The following GBA2 variants were observed in gnomAD, a reference collection of about 807,000 sequenced individuals.
GBA2 encodes non-lysosomal glucosylceramidase.
GBA2 carries 79 observed loss-of-function variants against 112.9 expected under a neutral mutation model. That is an observed-to-expected ratio of 0.70 (90% confidence interval 0.58 to 0.84). GBA2 has a LOEUF of 0.84. Ranked by LOEUF, GBA2 falls within the 40% of genes least tolerant of loss-of-function variation. The pLI, the probability that GBA2 is intolerant of heterozygous loss-of-function variation, is 0.00. For synonymous variants in GBA2, 403 were observed against 434.3 expected (o/e 0.93, Z 0.90); for missense variants, 1,043 against 1,190.0 (o/e 0.88, Z 1.82).
Position 35,741,789 on chromosome 9 carries a change from C to T in GBA2, c.669G>A (p.Gly223=), listed in dbSNP as rs2131984790. Residue 223 remains glycine, a synonymous_variant, in exon 4 of 17, where the codon GGG becomes GGA. Transcript: ENST00000378103. The surrounding 1 kb of genome is among the most constrained non-coding windows in gnomAD (Gnocchi z 4.6). ...AGAGGGCATGGTAGAAAGCAAAGTA[C>T]CCACACAGGCCCCAGTTCCAGCTGC... ...VLRSWNWGLC[G]YFAFYHALYP... is the part of the protein sequence containing the mutation. 1 of 1,613,498 alleles carries T rather than the reference C, an allele frequency of 6.2e-7. No homozygotes were observed. The highest frequency in any genetic ancestry group is 8.5e-7 in the Non-Finnish European group (1 of 1,179,472).
chr9:35,741,044 T>C lies in GBA2; in HGVS notation c.807A>G (p.Gly269=), dbSNP rs752862084. ...CATTTTCCACATCCCACACAAAGACTCCTACAGGCAGGCTGCTGTCCTGGG... is the reference window on the plus strand; with the variant it reads ...CATTTTCCACATCCCACACAAAGACCCCTACAGGCAGGCTGCTGTCCTGGG... ...HDYQDSSLPV[G]VFVWDVENEG... Residue 269 remains glycine (G), a synonymous_variant, in exon 5 of 17, where the codon GGA becomes GGG. Transcript: ENST00000378103. The surrounding 1 kb of genome is among the most constrained non-coding windows in gnomAD (Gnocchi z 4.6). 1.2e-6 allele frequency: 2 copies of C among 1,613,958 alleles called. No homozygotes were observed. Among genetic ancestry groups the C allele is most frequent in the South Asian group, 2.2e-5 (2 of 91,064 alleles).
intron 10 of GBA2, 71 bp downstream of exon 10, chr9:35,739,244 T>C (rs904949387): frequency 1.8e-6 from 2 of 1,128,290 alleles, no homozygotes; most frequent in African/African-American, 3.1e-5. Context: ...GAAGAGACAA[T>C]CTGAGGGACC....
chr9:35,741,751 C>T lies in GBA2; in HGVS notation c.707G>A (p.Trp236Ter), dbSNP rs1422490068. 6 of 1,614,060 alleles carry T rather than the reference C, an allele frequency of 3.7e-6. No individual in the cohort carries two copies. Among genetic ancestry groups the T allele is most frequent in the Non-Finnish European group, 5.1e-6 (6 of 1,179,980 alleles). ...CTGGCCAGGAAGCTGATAGACAGTCCAGGCTCGGGGATAGAGGGCATGGTA... is the reference window on the plus strand; with the variant it reads ...CTGGCCAGGAAGCTGATAGACAGTCTAGGCTCGGGGATAGAGGGCATGGTA... ...AFYHALYPRA[W>*]TVYQLPGQNV... Residue 236 changes from tryptophan (W) to a stop codon, truncating the protein, a stop_gained, in exon 4 of 17, where the codon TGG becomes TAG. Coordinates refer to ENST00000378103, the MANE Select transcript of GBA2 (RefSeq NM_020944.3). LOFTEE classifies it high-confidence loss of function. This position sits in a 1 kb window ranked among gnomAD's most constrained non-coding sequence, Gnocchi z 4.6.
At position 35,738,348 on chromosome 9, in the gene GBA2, G is replaced by A; in HGVS notation, c.2081C>T (p.Ala694Val). ...PSAYCGGLWLAAVAVMVQMAA... is the reference protein window; with the variant it reads ...PSAYCGGLWLVAVAVMVQMAA... ...CATCTGGACCATCACAGCCACAGCTGCCAGCCACAGCCCTCCACAGTAAGC... is the reference window on the plus strand; with the variant it reads ...CATCTGGACCATCACAGCCACAGCTACCAGCCACAGCCCTCCACAGTAAGC... The change falls in exon 14 of 17, where the codon GCA (alanine) becomes GTA (valine). Residue 694 changes from alanine (A) to valine (V), a missense_variant. By Grantham distance (64) the Ala-to-Val change is moderately conservative. Coordinates refer to ENST00000378103, the MANE Select transcript of GBA2 (RefSeq NM_020944.3). 5 of 1,614,112 alleles carry A rather than the reference G, an allele frequency of 3.1e-6. No homozygotes were observed. Among genetic ancestry groups the A allele is most frequent in the Non-Finnish European group, 4.2e-6 (5 of 1,179,968 alleles).
chr9:35,741,763 T>A lies in GBA2; in HGVS notation c.695A>T (p.Tyr232Phe). Residue 232 changes from tyrosine to phenylalanine, a missense_variant, in exon 4 of 17, where the codon TAT becomes TTT. By Grantham distance (22) the Tyr-to-Phe change is conservative. Coordinates refer to ENST00000378103, the MANE Select transcript of GBA2 (RefSeq NM_020944.3). This position sits in a 1 kb window ranked among gnomAD's most constrained non-coding sequence, Gnocchi z 4.6. ...CGYFAFYHAL[Y>F]PRAWTVYQLP... ...CTGATAGACAGTCCAGGCTCGGGGA[T>A]AGAGGGCATGGTAGAAAGCAAAGTA... 6.2e-7 allele frequency: 1 copy of A among 1,613,930 alleles called. No homozygotes were observed.
chr9:35,738,150 G>A lies in GBA2; in HGVS notation c.2200C>T (p.Arg734Cys), dbSNP rs371005897. Residue 734 changes from arginine (R) to cysteine (C), a missense_variant and splice_region_variant, in exon 15 of 17, where the codon CGC becomes TGC. By Grantham distance (180) the Arg-to-Cys change is radical. Transcript: ENST00000378103. Reference protein sequence around the residue: ...EAYERLLWNGRYYNYDSSSRP... With the variant: ...EAYERLLWNGCYYNYDSSSRP... ...GAGCTGCTGTCATAGTTGTAATAGC[G>A]GCCTGGAGTCGAGGAAGAGAAAAAT... 2.7e-5 allele frequency: 44 copies of A among 1,613,316 alleles called. No homozygotes were observed. Among genetic ancestry groups the A allele is most frequent in the Non-Finnish European group, 3.6e-5 (42 of 1,179,384 alleles).
At chr9:35,747,954 A>AC (rs974528091) in intron 1 of GBA2, among the ~76,000 whole-genome samples, 1 of 151,190 alleles carries the variant, frequency 6.6e-6, no homozygotes, top group Admixed American at 6.6e-5. Flanking sequence ...AGGGGTTGAG[A>AC]CCCCCCCACC....
chr9:35,745,781 C>G (rs895792404), intron 1 of GBA2, among the ~76,000 whole-genome samples: 4 of 152,098 alleles, frequency 2.6e-5, no homozygotes, highest in African/African-American at 9.7e-5. Context: ...CAGATGGGTC[C>G]TCACTAAGTA....
intron 2 of GBA2, 66 bp from the exon 3 acceptor site, chr9:35,744,478 G>T: frequency 9.0e-7 from 1 of 1,109,330 alleles, no homozygotes; most frequent in Non-Finnish European, 1.4e-6. Context: ...TAACTTTCTA[G>T]ACTATAAAGC....
In GBA2 at chr9:35,740,806, G is replaced by C. The variant is rs1216058480; in HGVS notation, c.1026+19C>G. On this transcript the variant is annotated intron_variant, in intron 5 of 16. Transcript: ENST00000378103. The surrounding 1 kb of genome is among the most constrained non-coding windows in gnomAD (Gnocchi z 4.7). ...GGTGGGGTTCAGGGGCTAAGGTATA[G>C]GGCAGGCTCTTTCCTTACCGTGACT... 1 of 1,613,618 alleles carries C rather than the reference G, an allele frequency of 6.2e-7. No homozygotes were observed. The highest frequency in any genetic ancestry group is 8.5e-7 in the Non-Finnish European group (1 of 1,179,688).
In GBA2 at chr9:35,736,910, A is replaced by G. The variant is rs1050798984; in HGVS notation, c.*259T>C. On this transcript the variant is annotated 3_prime_UTR_variant, in exon 17 of 17. Transcript: ENST00000378103. ...TTTGTACCCATGTGTCTGTCACACC[A>G]TGAATGTACCTGGGGAAATCAACTG... The G allele has an allele frequency of 1.5e-4, 111 of 730,782 alleles. No individual in the cohort carries two copies. The African/African-American group carries it at 1.9e-3, about 13-fold the overall frequency. The allele number at this position is 730,782 out of a possible 1,614,324, so 45.3% of individuals were successfully genotyped here.
At position 35,741,944 on chromosome 9, in the gene GBA2, G is replaced by C; in HGVS notation, c.568-54C>G. Reference sequence around the variant, plus strand: ...GTAAACCACAGGGACCACAGACTAAGTCTTCCCTCTCCTCAAATCAGCTCC... The same window carrying C: ...GTAAACCACAGGGACCACAGACTAACTCTTCCCTCTCCTCAAATCAGCTCC... On this transcript the variant is annotated intron_variant, in intron 3 of 16. Coordinates refer to ENST00000378103, the MANE Select transcript of GBA2 (RefSeq NM_020944.3). This position sits in a 1 kb window ranked among gnomAD's most constrained non-coding sequence, Gnocchi z 4.6. The C allele has an allele frequency of 8.4e-7, 1 of 1,197,238 alleles. No homozygotes were observed. The highest frequency in any genetic ancestry group is 1.2e-6 in the Non-Finnish European group (1 of 809,550). 74.2% of individuals were successfully genotyped at this position (1,197,238 alleles called of 1,614,324 possible).
intron 1 of GBA2, among the ~76,000 whole-genome samples, chr9:35,745,865 C>T (rs1355593245): frequency 6.6e-6 from 1 of 152,230 alleles, no homozygotes; most frequent in Non-Finnish European, 1.5e-5. Flanking sequence ...TGTTCAGTCA[C>T]ACCACTTCTA....
chr9:35,747,630 T>G (rs1001897660), intron 1 of GBA2, among the ~76,000 whole-genome samples: 1 of 152,162 alleles, frequency 6.6e-6, no homozygotes, highest in Admixed American at 6.5e-5. Context: ...GACCTCAGGG[T>G]GATGCTTTCT....
rs939130293 is a variant in GBA2, at chr9:35,746,558, T to C, written c.359+1788A>G. Among the ~76,000 whole-genome samples the C allele has an allele frequency of 6.6e-6, 1 of 151,720 alleles. No homozygotes were observed. Among genetic ancestry groups the C allele is most frequent in the Non-Finnish European group, 1.5e-5 (1 of 67,960 alleles). ...CTGAGCTGAGATTGCACCATTGTAC[T>C]CCAGCCTGGGTGACAAGAGCAAGAC... On this transcript the variant is annotated intron_variant, in intron 1 of 16. Coordinates refer to ENST00000378103, the MANE Select transcript of GBA2 (RefSeq NM_020944.3). This position sits in a 1 kb window ranked among gnomAD's most constrained non-coding sequence, Gnocchi z 5.2.
chr9:35,737,960 A>T lies in GBA2; in HGVS notation c.2314-21T>A, dbSNP rs775313194. On this transcript the variant is annotated intron_variant, in intron 15 of 16. Coordinates refer to ENST00000378103, the MANE Select transcript of GBA2 (RefSeq NM_020944.3). The surrounding 1 kb of genome is among the most constrained non-coding windows in gnomAD (Gnocchi z 4.1). ...AACACCTGGAGGGGCAAGGGCAGGA[A>T]CATGGTCTCATATACTTACTTCCCA... The T allele has an allele frequency of 1.9e-6, 3 of 1,606,820 alleles. No individual in the cohort carries two copies. Among genetic ancestry groups the T allele is most frequent in the Non-Finnish European group, 2.6e-6 (3 of 1,176,446 alleles).
At chr9:35,739,561 G>C in intron 9 of GBA2, 67 bp downstream of exon 9, 1 of 1,475,658 alleles carries the variant, frequency 6.8e-7, no homozygotes, top group Non-Finnish European at 9.4e-7. Flanking sequence ...AATACCCTGG[G>C]GTAGGCAAAT....
Position 35,740,759 on chromosome 9 carries a change from G to T in GBA2, c.1026+66C>A. ...TTACAGGAGTATGATGAGGGTGGAT[G>T]AAGAGACCATGCTGGGGTGGAGGTG... On this transcript the variant is annotated intron_variant, in intron 5 of 16. Coordinates refer to ENST00000378103, the MANE Select transcript of GBA2 (RefSeq NM_020944.3). The surrounding 1 kb of genome is among the most constrained non-coding windows in gnomAD (Gnocchi z 4.7). 1 of 1,589,358 alleles carries T rather than the reference G, an allele frequency of 6.3e-7. No homozygotes were observed. The highest frequency in any genetic ancestry group is 8.6e-7 in the Non-Finnish European group (1 of 1,160,454).
In GBA2 at chr9:35,740,126, G is replaced by A. The variant is rs1350445105; in HGVS notation, c.1284-3C>T. The A allele has an allele frequency of 3.7e-6, 6 of 1,614,108 alleles. No individual in the cohort carries two copies. The highest frequency in any genetic ancestry group is 5.1e-6 in the Non-Finnish European group (6 of 1,179,996). On this transcript the variant is annotated splice_region_variant and splice_polypyrimidine_tract_variant and intron_variant, in intron 7 of 16. Transcript: ENST00000378103. The surrounding 1 kb of genome is among the most constrained non-coding windows in gnomAD (Gnocchi z 4.7). ...GGCCAAAGAACCTTGTATACCGCCT[G>A]GGGTGGGAAGGGGAAGGATGAACAC...
Sources: gnomAD v4.1 joint callset for allele counts (sites outside exome capture counted in the v4.1 genomes callset) on GRCh38, gnomAD v4.1.1 for gene constraint, Gnocchi (gnomAD v3.1) non-coding constraint, MANE v1.5 for transcripts, NCBI Gene and HGNC (gene_info 2026-07-23, HGNC 2026-07-21) for gene names.